The following PIK3C2G variants were observed in gnomAD, a reference collection of about 807,000 sequenced individuals.
The protein encoded by PIK3C2G is phosphatidylinositol-4-phosphate 3-kinase catalytic subunit type 2 gamma.
PIK3C2G carries 168 observed loss-of-function variants against 181.1 expected under a neutral mutation model. The ratio of observed to expected loss-of-function variants is 0.93; its 90% CI spans 0.82 to 1.05. The LOEUF (loss-of-function observed/expected upper bound fraction) is 1.05, where lower values mean the gene tolerates loss of function less well. PIK3C2G is among the 50% of genes least tolerant of loss of function. The pLI, the probability that PIK3C2G is intolerant of heterozygous loss-of-function variation, is 0.00. For missense variants in PIK3C2G, 1,869 were observed against 1,732.8 expected (o/e 1.08, Z -1.40); for synonymous variants, 573 against 592.2 (o/e 0.97, Z 0.47).
At chr12:18,676,127 G>A in the PIK3C2G span, among the ~76,000 whole-genome samples, 2 of 152,008 alleles carry the variant, frequency 1.3e-5, no homozygotes, top group African/African-American at 4.8e-5. Context: ...TTGCCATCTT[G>A]GGACTGTGAG....
chr12:18,692,331 A>G, the PIK3C2G span, among the ~76,000 whole-genome samples: 1 of 152,224 alleles, frequency 6.6e-6, no homozygotes, highest in East Asian at 1.9e-4. Context: ...GTTATAGCCT[A>G]AAATAGAACT....
At chr12:18,428,156 A>G (rs910271135) in intron 18 of PIK3C2G, among the ~76,000 whole-genome samples, 71 of 152,068 alleles carry the variant, frequency 4.7e-4, no homozygotes, top group African/African-American at 1.6e-3. Context: ...ATAAAATAAT[A>G]TTAATTATAT....
At chr12:18,458,415 G>T (rs1263252505) in intron 18 of PIK3C2G, among the ~76,000 whole-genome samples, 1 of 152,144 alleles carries the variant, frequency 6.6e-6, no homozygotes, top group African/African-American at 2.4e-5. Context: ...ACCATGCCTA[G>T]TAACTTGCAG....
the PIK3C2G span, among the ~76,000 whole-genome samples, chr12:18,711,922 A>G: frequency 6.6e-6 from 1 of 152,126 alleles, no homozygotes; most frequent in South Asian, 2.1e-4. Flanking sequence ...GAAATTGTTC[A>G]TATATGATAT....
chr12:18,298,123 A>G (rs1950019325), intron 5 of PIK3C2G, among the ~76,000 whole-genome samples: 1 of 151,970 alleles, frequency 6.6e-6, no homozygotes, highest in African/African-American at 2.4e-5. Flanking sequence ...TAATGGTTGT[A>G]GTAATTTACA....
chr12:18,718,353 C>G, the PIK3C2G span, among the ~76,000 whole-genome samples: 2 of 152,088 alleles, frequency 1.3e-5, no homozygotes, highest in Non-Finnish European at 2.9e-5. Context: ...TCAGTCATTC[C>G]TCCACATTAT....
chr12:18,667,032 A>G, the PIK3C2G span, among the ~76,000 whole-genome samples: 1 of 152,294 alleles, frequency 6.6e-6, no homozygotes, highest in South Asian at 2.1e-4. Context: ...GGTGTAGGCT[A>G]TATCACCAGA....
At position 18,292,332 on chromosome 12, in the gene PIK3C2G, G is replaced by T. The variant is rs1949751363; in HGVS notation, c.919+1320G>T. Among the ~76,000 whole-genome samples the T allele has an allele frequency of 2.0e-5, 3 of 146,548 alleles. No homozygotes were observed. The South Asian group carries it at 6.4e-4, about 31-fold the overall frequency. Reference sequence around the variant, plus strand: ...TATGAAAAACACAAATAATCAAGCAGCCCAGAATTCCTGTATGCATCTCAT... The same window carrying T: ...TATGAAAAACACAAATAATCAAGCATCCCAGAATTCCTGTATGCATCTCAT... On this transcript the variant is annotated intron_variant, in intron 4 of 32. Transcript: ENST00000538779.
rs536373513 is a variant in PIK3C2G, at chr12:18,577,490, G to A, written c.4011+10433G>A. ...GAAAGCAAGGCTAAAGAAATTCCAG[G>A]CACTACATTGTTTTTATATTGAATT... On this transcript the variant is annotated intron_variant, in intron 29 of 32. Coordinates refer to ENST00000538779, the MANE Select transcript of PIK3C2G (RefSeq NM_001288772.2). Among the ~76,000 whole-genome samples the A allele has an allele frequency of 1.5e-4, 23 of 152,222 alleles. No homozygotes were observed. In the East Asian group the frequency reaches 4.4e-3, roughly 29 times the overall value.
chr12:18,326,288 C>T (rs1951343349), intron 8 of PIK3C2G, among the ~76,000 whole-genome samples: 1 of 152,242 alleles, frequency 6.6e-6, no homozygotes, highest in Non-Finnish European at 1.5e-5. Flanking sequence ...GCTTCTTCTT[C>T]CAGGGAAGGT....
chr12:18,580,598 A>C (rs1481554377), intron 29 of PIK3C2G, among the ~76,000 whole-genome samples: 1 of 152,214 alleles, frequency 6.6e-6, no homozygotes, highest in East Asian at 1.9e-4. Flanking sequence ...TACTTTACAC[A>C]GTCTACTAAA....
intron 28 of PIK3C2G, among the ~76,000 whole-genome samples, chr12:18,566,243 G>A (rs1222490811): frequency 6.6e-6 from 1 of 152,150 alleles, no homozygotes; most frequent in Non-Finnish European, 1.5e-5. Context: ...TGGTAGCCAA[G>A]CCGTGGTTCC....
At chr12:18,668,278 T>G in the PIK3C2G span, among the ~76,000 whole-genome samples, 14 of 152,222 alleles carry the variant, frequency 9.2e-5, 1 homozygote, top group Non-Finnish European at 1.3e-4. Context: ...ATTAAGTATT[T>G]ACATGAACCT....
At chr12:18,426,648 A>T (rs1365287589) in intron 18 of PIK3C2G, among the ~76,000 whole-genome samples, 1 of 152,154 alleles carries the variant, frequency 6.6e-6, no homozygotes, top group Non-Finnish European at 1.5e-5. Context: ...TTTGATTGAT[A>T]GTTAAGACCA....
intron 18 of PIK3C2G, among the ~76,000 whole-genome samples, chr12:18,427,311 G>A (rs1158516054): frequency 6.6e-6 from 1 of 151,506 alleles, no homozygotes. Flanking sequence ...TCCGAGATCA[G>A]CCAGGCCAAC....
rs544411313 is a variant in PIK3C2G at position 18,571,303 on chromosome 12, A to G, written c.4011+4246A>G. Reference sequence around the variant, plus strand: ...ATTTTGCAATGTTTTATGATCCTAAATATGGGCAATTTCGGTAAAAATTCC... The same window carrying G: ...ATTTTGCAATGTTTTATGATCCTAAGTATGGGCAATTTCGGTAAAAATTCC... On this transcript the variant is annotated intron_variant, in intron 29 of 32. Coordinates refer to ENST00000538779, the MANE Select transcript of PIK3C2G (RefSeq NM_001288772.2). 2.0e-5 allele frequency among the ~76,000 whole-genome samples: 3 copies of G among 150,720 alleles called. 1 individual carries two copies. The highest frequency in any genetic ancestry group is 7.4e-5 in the African/African-American group (3 of 40,288).
chr12:18,481,167 CTCGTGATCAGCCCA>C (rs1249721664), intron 18 of PIK3C2G, among the ~76,000 whole-genome samples: 4 of 152,072 alleles, frequency 2.6e-5, no homozygotes, highest in Admixed American at 2.6e-4. Flanking sequence ...ATGTCTTGAC[CTCGTGATCAGCCCA>C]CCTAGGCCTC....
At chr12:18,326,822 T>C (rs921045512) in intron 8 of PIK3C2G, among the ~76,000 whole-genome samples, 1 of 152,140 alleles carries the variant, frequency 6.6e-6, no homozygotes, top group Admixed American at 6.5e-5. Context: ...GTCTCTTTAC[T>C]ATGTGTAGAA....
At chr12:18,551,575 C>T (rs1944730917) in intron 26 of PIK3C2G, among the ~76,000 whole-genome samples, 1 of 152,106 alleles carries the variant, frequency 6.6e-6, no homozygotes, top group Admixed American at 6.6e-5. Flanking sequence ...ATATGATCTG[C>T]TCGTCAGCTA....
Sources: gnomAD v4.1 joint callset for allele counts (sites outside exome capture counted in the v4.1 genomes callset) on GRCh38, gnomAD v4.1.1 for gene constraint, MANE v1.5 for transcripts, NCBI Gene and HGNC (gene_info 2026-07-23, HGNC 2026-07-21) for gene names.